THNSL2: variants seen among roughly 807,000 people sequenced by gnomAD.
THNSL2 encodes the protein threonine synthase like 2.
Under a neutral mutation model 40.0 loss-of-function variants are expected in THNSL2, and 34 were observed. The ratio of observed to expected loss-of-function variants is 0.85; its 90% CI spans 0.65 to 1.13. THNSL2 has a LOEUF of 1.13. Among genes scored for constraint, THNSL2 ranks in the 50% most tolerant of loss-of-function variants. THNSL2 has a pLI of 0.00. For missense variants in THNSL2, 537 were observed against 608.8 expected, an observed-to-expected ratio of 0.88 and a Z score of 1.24; for synonymous variants, 241 against 247.5, an observed-to-expected ratio of 0.97 and a Z score of 0.25.
At chr2:88,172,799 G>C (rs1676501150) in intron 1 of THNSL2, 1 of 182,346 alleles carries the variant, frequency 5.5e-6, no homozygotes, top group Non-Finnish European at 1.1e-5. Flanking sequence ...TATCAAGCTG[G>C]CAGTTGCCTA....
intron 4 of THNSL2, among the ~76,000 whole-genome samples, chr2:88,178,310 C>T (rs1345835116): frequency 6.6e-6 from 1 of 152,156 alleles, no homozygotes; most frequent in East Asian, 1.9e-4. Flanking sequence ...AGAGGGCAGA[C>T]CACAGGGGAA....
rs1242108415 is a variant in THNSL2 at position 88,178,989 on chromosome 2, A to G, written c.778A>G (p.Thr260Ala). The change falls in exon 5 of 9, where the codon ACA becomes GCA. Residue 260 changes from threonine to alanine, a missense_variant. By Grantham distance (58) the Thr-to-Ala change is moderately conservative. Transcript: ENST00000674334. ...ACCCCTGGTGGAGGTGGTTGTGCCA[A>G]CAGGGGCTGCCGGTAACCTTGCAGG... ...PLPLVEVVVPTGAAGNLAAGY... is the reference protein window; with the variant it reads ...PLPLVEVVVPAGAAGNLAAGY... 6.2e-7 allele frequency: 1 copy of G among 1,614,070 alleles called. No individual in the cohort carries two copies. The highest frequency in any genetic ancestry group is 8.5e-7 in the Non-Finnish European group (1 of 1,180,032).
Position 88,178,837 on chromosome 2 carries a change from T to G in THNSL2, c.626T>G (p.Val209Gly), listed in dbSNP as rs1165827736. The change falls in exon 5 of 9, where the codon GTG (valine) becomes GGG (glycine). Residue 209 changes from valine (V) to glycine (G), a missense_variant. Transcript: ENST00000674334. ...DEPIKTVFAD[V>G]AFVKKHNLMS... Reference sequence around the variant, plus strand: ...CCGATCAAGACTGTGTTTGCCGATGTGGCTTTTGTCAAGAAGCACAATCTG... The same window carrying G: ...CCGATCAAGACTGTGTTTGCCGATGGGGCTTTTGTCAAGAAGCACAATCTG... 3 of 1,614,182 alleles carry G rather than the reference T, an allele frequency of 1.9e-6. No homozygotes were observed. The highest frequency in any genetic ancestry group is 1.7e-5 in the Admixed American group (1 of 60,024).
intron 5 of THNSL2, 145 bp from the exon 6 acceptor site, chr2:88,182,554 T>G (rs1344880642): frequency 2.2e-6 from 2 of 929,488 alleles, no homozygotes; most frequent in Non-Finnish European, 3.0e-6. Flanking sequence ...CGAGTTGCCT[T>G]TTCATTTTCT....
rs768126408 is a variant in THNSL2 at position 88,182,952 on chromosome 2, C to T, written c.956C>T (p.Pro319Leu). 1.2e-6 allele frequency: 2 copies of T among 1,613,888 alleles called. No homozygotes were observed. Among genetic ancestry groups the T allele is most frequent in the South Asian group, 1.1e-5 (1 of 91,070 alleles). The change falls in exon 7 of 9, where the codon CCC becomes CTC. Residue 319 changes from proline to leucine, a missense_variant. Coordinates refer to ENST00000674334, the MANE Select transcript of THNSL2 (RefSeq NM_018271.5). ...TLASAMDIQVPYNMERVFWLL... is the reference protein window; with the variant it reads ...TLASAMDIQVLYNMERVFWLL... ...TGAAACTGACTTTCTGCTCAGGTGC[C>T]CTACAACATGGAGAGGGTGTTCTGG...
chr2:88,174,636 C>G lies in THNSL2; in HGVS notation c.224-3C>G, dbSNP rs1441321880. On this transcript the variant is annotated splice_region_variant and splice_polypyrimidine_tract_variant and intron_variant, in intron 2 of 8. Transcript: ENST00000674334. ...TTGGCTATCCACCCCACTACCCTCA[C>G]AGATCTGATCGACCGAGCCTTCAGC... 5 of 1,613,754 alleles carry G rather than the reference C, an allele frequency of 3.1e-6. No homozygotes were observed. The Admixed American group carries it at 8.3e-5, about 27-fold the overall frequency.
At chr2:88,181,113 TCTCTCTCTC>T (rs1558894994) in intron 5 of THNSL2, among the ~76,000 whole-genome samples, 2 of 488 alleles carry the variant, frequency 4.1e-3, no homozygotes, top group Non-Finnish European at 3.2e-3. Flanking sequence ...CTCTCTCTCC[TCTCTCTCTC>T]CTCTCTCTCC....
Position 88,186,398 on chromosome 2 carries a change from G to T in THNSL2, c.*275G>T. On this transcript the variant is annotated 3_prime_UTR_variant, in exon 9 of 9. Coordinates refer to ENST00000674334, the MANE Select transcript of THNSL2 (RefSeq NM_018271.5). ...AGCTGTAGTGAAAGTTTCAGGGCCT[G>T]CAAAAGAAGAGGCTTGGGCACAGGA... is the stretch of plus-strand genomic sequence containing the variant. The T allele has an allele frequency of 2.1e-6, 1 of 473,786 alleles. No individual in the cohort carries two copies. The highest frequency in any genetic ancestry group is 2.2e-5 in the South Asian group (1 of 45,074). 29.3% of individuals were successfully genotyped at this position (473,786 alleles called of 1,614,324 possible).
At chr2:88,185,734 T>C in intron 8 of THNSL2, 164 bp from the exon 9 acceptor site, 1 of 1,550,086 alleles carries the variant, frequency 6.5e-7, no homozygotes. Flanking sequence ...GGTAGCGTCA[T>C]TGTAGCAATA....
At chr2:88,177,571 A>AG (rs1677070056) in intron 4 of THNSL2, among the ~76,000 whole-genome samples, 1 of 152,188 alleles carries the variant, frequency 6.6e-6, no homozygotes, top group Non-Finnish European at 1.5e-5. Flanking sequence ...CTGGAAGGCC[A>AG]GGGGTGGAGT....
rs374885568 is a variant in THNSL2 at position 88,175,368 on chromosome 2, A to G, written c.538A>G (p.Thr180Ala). 21 of 1,614,046 alleles carry G rather than the reference A, an allele frequency of 1.3e-5. No homozygotes were observed. Among genetic ancestry groups the G allele is most frequent in the African/African-American group, 9.3e-5 (7 of 74,916 alleles). The change falls in exon 4 of 9, where the codon ACG (threonine) becomes GCG (alanine). Residue 180 changes from threonine to alanine, a missense_variant. Thr to Ala is a moderately conservative substitution (Grantham distance 58). Transcript: ENST00000674334. ...CTKIQELQMT[T>A]VLKQNVHVFG... Reference sequence around the variant, plus strand: ...AAAGATTCAGGAGCTCCAGATGACAACGGTGCTGAAGCAGAACGTACATGT... The same window carrying G: ...AAAGATTCAGGAGCTCCAGATGACAGCGGTGCTGAAGCAGAACGTACATGT...
rs750753584 is a variant in THNSL2, at chr2:88,185,891, C to G, written c.1230-7C>G. The G allele has an allele frequency of 2.5e-6, 4 of 1,592,894 alleles. No individual in the cohort carries two copies. The highest frequency in any genetic ancestry group is 3.4e-6 in the Non-Finnish European group (4 of 1,170,216). ...CCTCCGGGTGCCACCTGCCCCCATC[C>G]CCACAGCACTCCCCGGTGCTGCCTC... On this transcript the variant is annotated splice_polypyrimidine_tract_variant and splice_region_variant and intron_variant, in intron 8 of 8. Transcript: ENST00000674334.
intron 6 of THNSL2, 32 bp from the exon 7 acceptor site, chr2:88,182,916 C>G: frequency 6.2e-7 from 1 of 1,613,094 alleles, no homozygotes; most frequent in Non-Finnish European, 8.5e-7. Flanking sequence ...GGGCTGAGAT[C>G]AGTCTGGACC....
chr2:88,170,990 T>G (rs1333618601), intron 1 of THNSL2, among the ~76,000 whole-genome samples: 2 of 152,142 alleles, frequency 1.3e-5, no homozygotes, highest in Non-Finnish European at 2.9e-5. Flanking sequence ...TGGTTATTGG[T>G]CAGAGTTTTT....
chr2:88,182,715 A>G lies in THNSL2; in HGVS notation c.819A>G (p.Gln273=), dbSNP rs73949231. 4.6e-3 allele frequency: 7,485 copies of G among 1,612,522 alleles called. 314 individuals are homozygous for G. In the African/African-American group the frequency reaches 0.088, roughly 19 times the overall value. ...TGTCTTAAGCTGGGTACATTGCTCA[A>G]AAGATAGGCCTGCCCATCCGTCTGG... ...AGNLAAGYIA[Q]KIGLPIRLVV... Residue 273 remains glutamine (Q), a synonymous_variant, in exon 6 of 9, where the codon CAA becomes CAG. Transcript: ENST00000674334.
In THNSL2 at chr2:88,182,804, C is replaced by A; in HGVS notation, c.908C>A (p.Ser303Tyr). 1 of 1,614,132 alleles carries A rather than the reference C, an allele frequency of 6.2e-7. No individual in the cohort carries two copies. The highest frequency in any genetic ancestry group is 8.5e-7 in the Non-Finnish European group (1 of 1,180,046). Residue 303 changes from serine (S) to tyrosine (Y), a missense_variant, in exon 6 of 9, where the codon TCT becomes TAT. Coordinates refer to ENST00000674334, the MANE Select transcript of THNSL2 (RefSeq NM_018271.5). ...RTVQQGDFSLSEAVKSTLASA... is the reference protein window; with the variant it reads ...RTVQQGDFSLYEAVKSTLASA... Reference sequence around the variant, plus strand: ...GTCCAGCAGGGAGACTTCTCTCTCTCTGAGGCTGTTAAATCAACCTTGGCA... The same window carrying A: ...GTCCAGCAGGGAGACTTCTCTCTCTATGAGGCTGTTAAATCAACCTTGGCA...
chr2:88,184,863 A>AT (rs1335646182), intron 7 of THNSL2, among the ~76,000 whole-genome samples: 1 of 152,220 alleles, frequency 6.6e-6, no homozygotes, highest in Non-Finnish European at 1.5e-5. Context: ...CATGCAATAC[A>AT]TTTTCAGAAG....
At chr2:88,175,114 G>T in intron 3 of THNSL2, 135 bp from the exon 4 acceptor site, 1 of 992,654 alleles carries the variant, frequency 1.0e-6, no homozygotes. Context: ...ACCCTAGGTG[G>T]AGTGCTAGGT....
At chr2:88,175,100 A>T in intron 3 of THNSL2, 149 bp from the exon 4 acceptor site, 1 of 934,302 alleles carries the variant, frequency 1.1e-6, no homozygotes. Context: ...CCGTGGATCC[A>T]TGGACCCTAG....
Sources: allele counts gnomAD v4.1 joint callset (sites outside exome capture counted in the v4.1 genomes callset), GRCh38; gene constraint gnomAD v4.1.1; transcripts MANE v1.5; gene names NCBI Gene and HGNC (gene_info 2026-07-23, HGNC 2026-07-21).